The following DOCK1 variants were observed in gnomAD, a reference collection of about 807,000 sequenced individuals.
The protein encoded by DOCK1 is dedicator of cytokinesis 1.
Under a neutral mutation model 262.7 loss-of-function variants are expected in DOCK1, and 138 were observed. The observed-to-expected ratio is 0.53, with a 90% CI of 0.46 to 0.61. The LOEUF is 0.61. Ranked by LOEUF, DOCK1 falls within the 20% of genes least tolerant of loss-of-function variation. DOCK1 has a pLI of 0.00. For missense variants in DOCK1, 1,908 were observed against 2,370.7 expected (o/e 0.80, Z 4.05); for synonymous variants, 866 against 867.4 (o/e 1.00, Z 0.03).
At chr10:127,157,020 C>A (rs536252114) in intron 27 of DOCK1, among the ~76,000 whole-genome samples, 5 of 152,136 alleles carry the variant, frequency 3.3e-5, no homozygotes, top group Non-Finnish European at 5.9e-5. Flanking sequence ...GAGACATTTG[C>A]GAATAAGATG....
chr10:127,365,105 A>G (rs938497595), intron 33 of DOCK1, among the ~76,000 whole-genome samples: 5 of 152,194 alleles, frequency 3.3e-5, no homozygotes, highest in African/African-American at 4.8e-5. Context: ...CTTAATTACA[A>G]CATAGCAACC....
At position 127,175,675 on chromosome 10, in the gene DOCK1, C is replaced by T. The variant is rs201652122; in HGVS notation, c.2847+47911C>T. ...AACACCCTCCTGAGGGCAGGTGGAG[C>T]GGGCTCCTCGGAGTTTGGCCTCCCC... On this transcript the variant is annotated intron_variant, in intron 27 of 51. Transcript: ENST00000623213. This position sits in a 1 kb window ranked among gnomAD's most constrained non-coding sequence, Gnocchi z 6.3. 1.8e-4 allele frequency: 286 copies of T among 1,613,604 alleles called. No homozygotes were observed. Among genetic ancestry groups the T allele is most frequent in the South Asian group, 7.7e-5 (7 of 91,054 alleles).
chr10:126,949,328 C>T (rs1222971469), intron 1 of DOCK1, among the ~76,000 whole-genome samples: 3 of 152,112 alleles, frequency 2.0e-5, no homozygotes, highest in Admixed American at 1.3e-4. Flanking sequence ...TCCAGGAAGG[C>T]ACTTCTTGGT....
chr10:127,313,047 C>T (rs1437547466), intron 29 of DOCK1, among the ~76,000 whole-genome samples: 1 of 152,142 alleles, frequency 6.6e-6, no homozygotes, highest in Non-Finnish European at 1.5e-5. Flanking sequence ...AAGCTCTGGG[C>T]TCCCTTGACC....
chr10:127,001,768 A>G (rs890446995), intron 10 of DOCK1, among the ~76,000 whole-genome samples: 1 of 152,184 alleles, frequency 6.6e-6, no homozygotes, highest in African/African-American at 2.4e-5. Context: ...GGAGTGTTCC[A>G]ATGATTTTAC....
At chr10:127,050,340 A>G (rs946655022) in intron 21 of DOCK1, among the ~76,000 whole-genome samples, 2 of 151,532 alleles carry the variant, frequency 1.3e-5, no homozygotes, top group African/African-American at 4.8e-5. Context: ...CTTAATTATA[A>G]TAGATTTTCC....
intron 34 of DOCK1, 33 bp from the exon 35 acceptor site, chr10:127,374,025 G>A (rs184904132): frequency 5.5e-5 from 86 of 1,577,488 alleles, no homozygotes; most frequent in South Asian, 3.5e-5. Context: ...TTTTCTGAGT[G>A]TGATTAACAA....
intron 1 of DOCK1, among the ~76,000 whole-genome samples, chr10:126,907,895 A>C (rs1031787476): frequency 1.1e-4 from 17 of 152,310 alleles, no homozygotes; most frequent in African/African-American, 4.1e-4. Flanking sequence ...AAATTTAAAA[A>C]AGTTAAAAAA....
intron 2 of DOCK1, among the ~76,000 whole-genome samples, chr10:126,976,942 C>T (rs2038588909): frequency 6.6e-6 from 1 of 152,170 alleles, no homozygotes; most frequent in Admixed American, 6.5e-5. Context: ...ACCATGTTGG[C>T]CAGGCTGGTC....
At chr10:126,947,021 A>G (rs2035468086) in intron 1 of DOCK1, among the ~76,000 whole-genome samples, 1 of 152,154 alleles carries the variant, frequency 6.6e-6, no homozygotes, top group African/African-American at 2.4e-5. Context: ...ATGACTGGGG[A>G]GAGATGCGGT....
chr10:127,068,816 C>T (rs2046033954), intron 23 of DOCK1, among the ~76,000 whole-genome samples: 1 of 152,120 alleles, frequency 6.6e-6, no homozygotes, highest in African/African-American at 2.4e-5. Context: ...CACACACACA[C>T]TTTTACAGTG....
intron 25 of DOCK1, among the ~76,000 whole-genome samples, chr10:127,117,050 T>A (rs1467142109): frequency 6.6e-6 from 1 of 152,260 alleles, no homozygotes; most frequent in Non-Finnish European, 1.5e-5. Flanking sequence ...TATATGTTTT[T>A]GAAAAGACCA....
chr10:127,248,120 C>T lies in DOCK1; in HGVS notation c.2949+11C>T. On this transcript the variant is annotated intron_variant, in intron 28 of 51. Coordinates refer to ENST00000623213, the MANE Select transcript of DOCK1 (RefSeq NM_001290223.2). ...AGGACTGATGTGGTAGTAAGTGTCC[C>T]TTTCACCCTGTTCACATAACCATGT... The T allele has an allele frequency of 6.2e-7, 1 of 1,610,604 alleles. No individual in the cohort carries two copies. The highest frequency in any genetic ancestry group is 8.5e-7 in the Non-Finnish European group (1 of 1,177,104).
chr10:127,207,426 AGATAGGCATAT>A (rs571893805), intron 27 of DOCK1, among the ~76,000 whole-genome samples: 93 of 152,354 alleles, frequency 6.1e-4, no homozygotes, highest in Non-Finnish European at 1.2e-3. Context: ...GTGAAGCAAA[AGATAGGCATAT>A]TTTGGCCTTG....
intron 33 of DOCK1, among the ~76,000 whole-genome samples, chr10:127,363,889 G>A (rs972534328): frequency 2.6e-5 from 4 of 152,212 alleles, no homozygotes; most frequent in Non-Finnish European, 5.9e-5. Context: ...TGGGTCCTCA[G>A]CAAATCACTC....
intron 1 of DOCK1, among the ~76,000 whole-genome samples, chr10:126,968,914 G>C (rs551555769): frequency 2.6e-5 from 4 of 152,224 alleles, no homozygotes; most frequent in South Asian, 4.1e-4. Flanking sequence ...ATGAATTTTG[G>C]GGAAAATATA....
intron 29 of DOCK1, among the ~76,000 whole-genome samples, chr10:127,260,763 CTG>C (rs200316680): frequency 8.0e-5 from 9 of 112,068 alleles, no homozygotes; most frequent in Non-Finnish European, 1.4e-4. Context: ...CCGTGCTCAT[CTG>C]TGTGTGTGCA....
chr10:126,914,120 G>A (rs1376238227), intron 1 of DOCK1, among the ~76,000 whole-genome samples: 3 of 152,196 alleles, frequency 2.0e-5, no homozygotes, highest in African/African-American at 2.4e-5. Context: ...TGCTGCATGG[G>A]CCCCATTGCT....
At chr10:127,122,021 A>G (rs2049617202) in intron 25 of DOCK1, among the ~76,000 whole-genome samples, 1 of 152,230 alleles carries the variant, frequency 6.6e-6, no homozygotes, top group Admixed American at 6.5e-5. Flanking sequence ...ATCAGCAAGG[A>G]GGAACAGATA....
Sources: allele counts gnomAD v4.1 joint callset (sites outside exome capture counted in the v4.1 genomes callset), GRCh38; gene constraint gnomAD v4.1.1; non-coding constraint Gnocchi (gnomAD v3.1); transcripts MANE v1.5; gene names NCBI Gene and HGNC (gene_info 2026-07-23, HGNC 2026-07-21).